Variants in UTRN observed in about 807,000 individuals in gnomAD.
UTRN encodes the protein utrophin, also known as dystrophin-related protein 1.
Under a neutral mutation model 463.9 loss-of-function variants are expected in UTRN, and 283 were observed. The ratio of observed to expected loss-of-function variants is 0.61; its 90% confidence interval spans 0.55 to 0.67. The LOEUF (loss-of-function observed/expected upper bound fraction) is 0.67. Among genes scored for constraint, UTRN ranks in the 30% least tolerant of loss-of-function variants. The probability of loss-of-function intolerance (pLI) is 0.00; values close to 1 mark genes in which losing one functional copy is unlikely to be tolerated. For synonymous variants in UTRN, 1,442 were observed against 1,431.5 expected (o/e 1.01, Z -0.17); for missense variants, 3,922 against 4,084.3 (o/e 0.96, Z 1.08).
chr6:144,591,256 C>T (rs1803038530), intron 51 of UTRN, among the ~76,000 whole-genome samples: 1 of 152,136 alleles, frequency 6.6e-6, no homozygotes, highest in Non-Finnish European at 1.5e-5. Context: ...CTGGTCACCC[C>T]ACTGCGAAGA....
intron 51 of UTRN, among the ~76,000 whole-genome samples, chr6:144,622,635 A>G (rs1775548176): frequency 6.6e-6 from 1 of 152,226 alleles, no homozygotes; most frequent in South Asian, 2.1e-4. Flanking sequence ...GTCTTTTCTG[A>G]TATCTTTACA....
At chr6:144,404,169 C>A (rs928695737) in intron 3 of UTRN, among the ~76,000 whole-genome samples, 2 of 152,000 alleles carry the variant, frequency 1.3e-5, no homozygotes, top group African/African-American at 4.8e-5. Flanking sequence ...TTGGGCTTTG[C>A]GAGTTTATCT....
intron 2 of UTRN, among the ~76,000 whole-genome samples, chr6:144,376,344 A>G (rs1360487315): frequency 1.3e-5 from 2 of 151,698 alleles, no homozygotes; most frequent in Non-Finnish European, 2.9e-5. Context: ...AATCCCAGCT[A>G]CTCAGGAGGC....
chr6:144,326,691 C>T (rs147911763), intron 2 of UTRN, among the ~76,000 whole-genome samples: 1 of 152,256 alleles, frequency 6.6e-6, no homozygotes, highest in East Asian at 1.9e-4. Context: ...GCTGATACAC[C>T]ACTTTTAATA....
At chr6:144,512,981 G>C (rs1199313558) in intron 35 of UTRN, among the ~76,000 whole-genome samples, 1 of 151,988 alleles carries the variant, frequency 6.6e-6, no homozygotes, top group African/African-American at 2.4e-5. Flanking sequence ...CATAAGTCTC[G>C]TTACCCTTTT....
Position 144,495,763 on chromosome 6 carries a change from A to G in UTRN, c.4593+2307A>G, listed in dbSNP as rs117296831. Among the ~76,000 whole-genome samples, 1,040 of 152,380 alleles carry G rather than the reference A, an allele frequency of 6.8e-3. 6 individuals carry two copies. The highest frequency in any genetic ancestry group is 0.01 in the Middle Eastern group (3 of 294). ...TAAATGTTAATAATTCCAAATTTCA[A>G]TGGATAGCAGTAGCCGGTGTTGGCT... On this transcript the variant is annotated intron_variant, in intron 33 of 74. Coordinates refer to ENST00000367545, the MANE Select transcript of UTRN (RefSeq NM_007124.3).
intron 39 of UTRN, among the ~76,000 whole-genome samples, chr6:144,519,925 A>G (rs994627373): frequency 6.6e-6 from 1 of 152,236 alleles, no homozygotes; most frequent in Non-Finnish European, 1.5e-5. Flanking sequence ...GCTGAGGTAT[A>G]AAAGTGGCTC....
chr6:144,299,926 A>G (rs1805079937), intron 2 of UTRN, among the ~76,000 whole-genome samples: 1 of 152,112 alleles, frequency 6.6e-6, no homozygotes, highest in South Asian at 2.1e-4. Flanking sequence ...TAATATAACT[A>G]TGCTTGCTTT....
Position 144,437,592 on chromosome 6 carries a change from C to T in UTRN, c.1087C>T (p.Gln363Ter). Residue 363 changes from glutamine to a stop codon, truncating the protein, a stop_gained, in exon 11 of 75, where the codon CAG becomes TAG. Transcript: ENST00000367545. LOFTEE classifies it high-confidence loss of function. ...TTTTATGATGGAACTGACTGCACAC[C>T]AGAGCAGTGTGGGCAGCGTCCTGCA... ...EAFMMELTAH[Q>*]SSVGSVLQAG... The T allele has an allele frequency of 6.2e-7, 1 of 1,613,460 alleles. No homozygotes were observed. Among genetic ancestry groups the T allele is most frequent in the South Asian group, 1.1e-5 (1 of 90,972 alleles).
intron 61 of UTRN, among the ~76,000 whole-genome samples, chr6:144,786,676 G>C (rs1776325601): frequency 6.6e-6 from 1 of 152,114 alleles, no homozygotes; most frequent in African/African-American, 2.4e-5. Context: ...ACTTGGGACT[G>C]TCATGGCATG....
chr6:144,797,647 A>G, intron 63 of UTRN, 177 bp from the exon 64 acceptor site: 1 of 559,062 alleles, frequency 1.8e-6, no homozygotes, highest in Non-Finnish European at 2.8e-6. Flanking sequence ...TTCTACTCAT[A>G]AGTTCTAGAA....
At chr6:144,823,276 G>C (rs1779758069) in intron 66 of UTRN, among the ~76,000 whole-genome samples, 1 of 152,042 alleles carries the variant, frequency 6.6e-6, no homozygotes, top group Non-Finnish European at 1.5e-5. Context: ...ATAGTGGGCA[G>C]GTTTTCTTTT....
At chr6:144,461,449 TTCA>T in intron 22 of UTRN, 107 bp downstream of exon 22, 1 of 1,249,176 alleles carries the variant, frequency 8.0e-7, no homozygotes, top group Admixed American at 2.9e-5. Context: ...GTCAGTTTTG[TTCA>T]TCATTGGTGC....
intron 51 of UTRN, among the ~76,000 whole-genome samples, chr6:144,639,537 T>G (rs558532524): frequency 1.5e-4 from 23 of 152,334 alleles, no homozygotes; most frequent in Admixed American, 3.3e-4. Flanking sequence ...CCTTTAAAAC[T>G]CAAATCTGTT....
At chr6:144,712,162 T>A (rs1204677861) in intron 53 of UTRN, among the ~76,000 whole-genome samples, 1 of 152,226 alleles carries the variant, frequency 6.6e-6, no homozygotes, top group Non-Finnish European at 1.5e-5. Context: ...TTTGCCAGTC[T>A]GTGTTGACTT....
At chr6:144,683,657 T>C (rs886730997) in intron 52 of UTRN, among the ~76,000 whole-genome samples, 3 of 152,236 alleles carry the variant, frequency 2.0e-5, no homozygotes, top group Non-Finnish European at 2.9e-5. Flanking sequence ...CTTTTCTCTC[T>C]AAATGTTGGG....
chr6:144,319,759 G>T (rs982817834), intron 2 of UTRN, among the ~76,000 whole-genome samples: 6 of 152,018 alleles, frequency 3.9e-5, no homozygotes, highest in Non-Finnish European at 5.9e-5. Context: ...GTAGCGACAG[G>T]CTGGTCTCAA....
At chr6:144,550,533 C>T (rs13203387) in intron 47 of UTRN, among the ~76,000 whole-genome samples, 21,006 of 152,076 alleles carry the variant, frequency 0.14, 1,764 homozygotes, top group Middle Eastern at 0.24. Flanking sequence ...TTTTCTGTGT[C>T]ACCCCCAACC....
chr6:144,465,789 T>C (rs1315218702), intron 23 of UTRN, among the ~76,000 whole-genome samples: 1 of 152,188 alleles, frequency 6.6e-6, no homozygotes, highest in Non-Finnish European at 1.5e-5. Context: ...TGACCTGATA[T>C]ATGATTTTTT....
Sources: gnomAD v4.1 joint callset for allele counts (sites outside exome capture counted in the v4.1 genomes callset) on GRCh38, gnomAD v4.1.1 for gene constraint, MANE v1.5 for transcripts, NCBI Gene and HGNC (gene_info 2026-07-23, HGNC 2026-07-21) for gene names.